The following GALNT13 variants were observed in gnomAD, a reference collection of about 807,000 sequenced individuals.
The protein encoded by GALNT13 is UDP-GalNAc:polypeptide N-acetylgalactosaminyltransferase 13.
In GALNT13, 28 loss-of-function variants were observed where a neutral mutation model predicts 64.2. The observed-to-expected ratio is 0.44, with a 90% CI of 0.32 to 0.60. The LOEUF (loss-of-function observed/expected upper bound fraction) is 0.60. Ranked by LOEUF, GALNT13 falls within the 20% of genes least tolerant of loss-of-function variation. GALNT13 has a pLI of 0.05. For synonymous variants in GALNT13, 214 were observed against 224.6 expected (o/e 0.95, Z 0.42); for missense variants, 577 against 669.8 (o/e 0.86, Z 1.53).
At chr2:154,230,539 A>G (rs546632760) in intron 4 of GALNT13, among the ~76,000 whole-genome samples, 1 of 152,246 alleles carries the variant, frequency 6.6e-6, no homozygotes, top group South Asian at 2.1e-4. Context: ...ACTTGCTTGC[A>G]TAATACTGTA....
chr2:153,347,219 A>G, the GALNT13 span, among the ~76,000 whole-genome samples: 2 of 152,224 alleles, frequency 1.3e-5, no homozygotes, highest in Non-Finnish European at 2.9e-5. Context: ...CTCCAGGGGC[A>G]GAAGATAGCA....
At chr2:153,618,878 T>A in the GALNT13 span, among the ~76,000 whole-genome samples, 1 of 152,008 alleles carries the variant, frequency 6.6e-6, no homozygotes. Flanking sequence ...GGAATATCTT[T>A]TTCTGTCCCT....
intron 3 of GALNT13, among the ~76,000 whole-genome samples, chr2:154,132,880 G>A (rs1350723611): frequency 7.5e-6 from 1 of 133,192 alleles, no homozygotes; most frequent in Non-Finnish European, 1.6e-5. Flanking sequence ...GGGTGACAGG[G>A]CAAGACTCTG....
the GALNT13 span, among the ~76,000 whole-genome samples, chr2:153,379,358 G>A: frequency 1.3e-5 from 2 of 152,002 alleles, no homozygotes; most frequent in African/African-American, 4.8e-5. Flanking sequence ...AAGAGGGTTG[G>A]AGACCATCTA....
chr2:153,070,015 A>T, the GALNT13 span, among the ~76,000 whole-genome samples: 20 of 152,312 alleles, frequency 1.3e-4, no homozygotes, highest in African/African-American at 4.3e-4. Context: ...CTAAGTATTT[A>T]CTGGTAAACT....
chr2:153,708,991 G>T, the GALNT13 span, among the ~76,000 whole-genome samples: 1 of 151,816 alleles, frequency 6.6e-6, no homozygotes, highest in African/African-American at 2.4e-5. Context: ...AACCCAAAAC[G>T]GATTAAAGAC....
At chr2:153,235,515 T>A in the GALNT13 span, among the ~76,000 whole-genome samples, 1 of 152,110 alleles carries the variant, frequency 6.6e-6, no homozygotes. Context: ...TGGCTGTAAA[T>A]GCTAGTACAT....
chr2:154,168,307 C>T (rs1027860929), intron 4 of GALNT13, among the ~76,000 whole-genome samples: 5 of 152,182 alleles, frequency 3.3e-5, no homozygotes, highest in South Asian at 2.1e-4. Context: ...GGCATCCTAC[C>T]GGCAGAATTC....
the GALNT13 span, among the ~76,000 whole-genome samples, chr2:153,071,938 C>A: frequency 2.0e-5 from 3 of 152,154 alleles, no homozygotes; most frequent in African/African-American, 7.2e-5. Context: ...CCTTAGAAGA[C>A]AGAAGCTAGT....
intron 7 of GALNT13, among the ~76,000 whole-genome samples, chr2:154,248,325 G>A (rs1689890841): frequency 6.6e-6 from 1 of 151,890 alleles, no homozygotes; most frequent in Non-Finnish European, 1.5e-5. Flanking sequence ...AATAAATGGA[G>A]TTTGTGAAAT....
intron 9 of GALNT13, among the ~76,000 whole-genome samples, chr2:154,310,292 G>C (rs1338526359): frequency 6.6e-6 from 1 of 152,046 alleles, no homozygotes; most frequent in East Asian, 1.9e-4. Flanking sequence ...TTTGTCTTTA[G>C]AGCTTACTGA....
At chr2:153,712,150 A>T in the GALNT13 span, among the ~76,000 whole-genome samples, 1 of 152,190 alleles carries the variant, frequency 6.6e-6, no homozygotes, top group African/African-American at 2.4e-5. Context: ...TGGAAAAATT[A>T]TGGAAACTTG....
chr2:153,430,528 GA>G, the GALNT13 span, among the ~76,000 whole-genome samples: 406 of 11,644 alleles, frequency 0.035, 17 homozygotes, highest in East Asian at 0.15. Flanking sequence ...GGTAGGTAGG[GA>G]GAGAGAGAGA....
intron 4 of GALNT13, among the ~76,000 whole-genome samples, chr2:154,235,043 C>T (rs368343731): frequency 1.3e-5 from 2 of 152,074 alleles, no homozygotes; most frequent in Non-Finnish European, 2.9e-5. Flanking sequence ...TGTCCAGCAC[C>T]GCTATCTCCC....
At chr2:153,540,085 C>T in the GALNT13 span, among the ~76,000 whole-genome samples, 4 of 152,200 alleles carry the variant, frequency 2.6e-5, no homozygotes, top group African/African-American at 4.8e-5. Flanking sequence ...TTTATGGCAG[C>T]CTCTCCCATC....
At chr2:154,291,171 T>A (rs945999259) in intron 8 of GALNT13, among the ~76,000 whole-genome samples, 1 of 152,014 alleles carries the variant, frequency 6.6e-6, no homozygotes, top group African/African-American at 2.4e-5. Context: ...TACTGATTGG[T>A]CCATTTTACA....
At chr2:153,121,925 C>A in the GALNT13 span, among the ~76,000 whole-genome samples, 1 of 152,044 alleles carries the variant, frequency 6.6e-6, no homozygotes, top group Admixed American at 6.6e-5. Context: ...TTATTTGATT[C>A]TTCTATACAT....
the GALNT13 span, among the ~76,000 whole-genome samples, chr2:153,578,412 T>A: frequency 2.6e-5 from 4 of 152,186 alleles, no homozygotes; most frequent in African/African-American, 9.6e-5. Context: ...CATTAGGCCA[T>A]GGAGAAATTA....
the GALNT13 span, among the ~76,000 whole-genome samples, chr2:153,076,818 T>G: frequency 6.6e-6 from 1 of 152,156 alleles, no homozygotes; most frequent in Non-Finnish European, 1.5e-5. Flanking sequence ...TCAACACACT[T>G]CTATTGAGGC....
Sources: gnomAD v4.1 joint callset for allele counts (sites outside exome capture counted in the v4.1 genomes callset) on GRCh38, gnomAD v4.1.1 for gene constraint, MANE v1.5 for transcripts, NCBI Gene and HGNC (gene_info 2026-07-23, HGNC 2026-07-21) for gene names.